Variants in CACNA2D1 observed in about 807,000 individuals in gnomAD.
CACNA2D1 encodes calcium voltage-gated channel auxiliary subunit alpha2delta 1.
In CACNA2D1, 53 loss-of-function variants were observed where a neutral mutation model predicts 171.5. The observed-to-expected ratio is 0.31, with a 90% CI of 0.25 to 0.39. The LOEUF (loss-of-function observed/expected upper bound fraction) is 0.39, where lower values mean the gene tolerates loss of function less well. CACNA2D1 is among the 10% of genes least tolerant of loss of function. CACNA2D1 has a pLI of 1.00. For synonymous variants in CACNA2D1, 442 were observed against 443.1 expected (o/e 1.00, Z 0.03); for missense variants, 903 against 1,299.8 (o/e 0.69, Z 4.69).
chr7:82,341,104 G>C (rs1276196323), intron 2 of CACNA2D1, among the ~76,000 whole-genome samples: 1 of 151,888 alleles, frequency 6.6e-6, no homozygotes, highest in Non-Finnish European at 1.5e-5. Flanking sequence ...TATTCCTTGG[G>C]CTTTCGAACT....
At chr7:82,071,768 G>A (rs1227680626) in intron 7 of CACNA2D1, among the ~76,000 whole-genome samples, 3 of 152,134 alleles carry the variant, frequency 2.0e-5, no homozygotes, top group Non-Finnish European at 4.4e-5. Context: ...ATACTTTTCA[G>A]TTTCTCCTGT....
At chr7:82,017,993 T>G (rs535552363) in intron 12 of CACNA2D1, among the ~76,000 whole-genome samples, 2 of 152,258 alleles carry the variant, frequency 1.3e-5, no homozygotes, top group South Asian at 4.1e-4. Flanking sequence ...CAAATGCACA[T>G]GAAAACTTTT....
rs1375053673 is a variant in CACNA2D1 at position 81,947,936 on chromosome 7, A to AAACTC, written c.*2451_*2455dup. On this transcript the variant is annotated 3_prime_UTR_variant, in exon 39 of 39. Coordinates refer to ENST00000356860, the MANE Select transcript of CACNA2D1 (RefSeq NM_000722.4). The stretch of plus-strand genomic sequence containing the variant: ...TAGCAGAAAATAAAGGTTTATAGCA[A>AAACTC]AACTCATGCATATAAATATATTTTG... 1 of 151,888 alleles carries AAACTC rather than the reference A, an allele frequency of 6.6e-6. No individual in the cohort carries two copies. Among genetic ancestry groups the AAACTC allele is most frequent in the East Asian group, 1.9e-4 (1 of 5,180 alleles). 9.4% of individuals were successfully genotyped at this position (151,888 alleles called of 1,614,324 possible).
At chr7:82,175,729 AT>A (rs1209385041) in intron 3 of CACNA2D1, among the ~76,000 whole-genome samples, 1 of 151,998 alleles carries the variant, frequency 6.6e-6, no homozygotes, top group African/African-American at 2.4e-5. Flanking sequence ...TAACAACAAA[AT>A]TTTGGTAATA....
intron 7 of CACNA2D1, among the ~76,000 whole-genome samples, chr7:82,077,204 A>T (rs1000352318): frequency 6.6e-6 from 1 of 152,146 alleles, no homozygotes; most frequent in African/African-American, 2.4e-5. Flanking sequence ...CATAGCAGAG[A>T]TGCTTTTTGT....
At chr7:82,314,598 C>T (rs1291758474) in intron 3 of CACNA2D1, among the ~76,000 whole-genome samples, 4 of 152,110 alleles carry the variant, frequency 2.6e-5, no homozygotes, top group Non-Finnish European at 4.4e-5. Flanking sequence ...TTCACTCAAA[C>T]GTTTGCATGC....
chr7:82,028,193 C>T (rs1445948878), intron 12 of CACNA2D1: 1 of 151,676 alleles, frequency 6.6e-6, no homozygotes, highest in Non-Finnish European at 1.5e-5. Context: ...TTTACCATTC[C>T]AAAAATCTCA....
chr7:81,972,682 C>T (rs1161734431), intron 25 of CACNA2D1, among the ~76,000 whole-genome samples: 1 of 151,880 alleles, frequency 6.6e-6, no homozygotes, highest in African/African-American at 2.4e-5. Context: ...TCTTCCCATT[C>T]TCCTTGTTCC....
At chr7:81,984,889 A>G (rs1173500790) in intron 21 of CACNA2D1, among the ~76,000 whole-genome samples, 178 bp from the exon 22 acceptor site, 4 of 152,184 alleles carry the variant, frequency 2.6e-5, no homozygotes, top group Non-Finnish European at 4.4e-5. Flanking sequence ...CAGTCTTGCC[A>G]TCCAGAGTCA....
chr7:82,405,217 T>A (rs756314253), intron 1 of CACNA2D1, among the ~76,000 whole-genome samples: 1 of 152,174 alleles, frequency 6.6e-6, no homozygotes, highest in Non-Finnish European at 1.5e-5. Flanking sequence ...CAAGTGAAGA[T>A]GTATGCCTAA....
chr7:82,376,359 C>T lies in CACNA2D1; in HGVS notation c.96-26710G>A, dbSNP rs147175822. Among the ~76,000 whole-genome samples the T allele has an allele frequency of 4.9e-3, 746 of 152,244 alleles. 2 individuals are homozygous for T. The highest frequency in any genetic ancestry group is 0.017 in the African/African-American group (720 of 41,550). ...ACAGCTGGGAACCTGACAATGACAA[C>T]CTAACACTCATGATTTTAGATATTG... On this transcript the variant is annotated intron_variant, in intron 1 of 38. Coordinates refer to ENST00000356860, the MANE Select transcript of CACNA2D1 (RefSeq NM_000722.4).
At chr7:82,436,513 T>C (rs2129459455) in intron 1 of CACNA2D1, among the ~76,000 whole-genome samples, 1 of 152,322 alleles carries the variant, frequency 6.6e-6, no homozygotes, top group African/African-American at 2.4e-5. Context: ...GTCTCTAAGG[T>C]GAATTTCCAA....
chr7:82,162,501 G>A (rs73157510), intron 4 of CACNA2D1, among the ~76,000 whole-genome samples: 3,727 of 152,050 alleles, frequency 0.025, 86 homozygotes, highest in Non-Finnish European at 0.032. Flanking sequence ...GCAGGGGAGA[G>A]CTGGTCATTC....
Position 82,367,186 on chromosome 7 carries a change from AGC to A in CACNA2D1, c.96-17539_96-17538del, listed in dbSNP as rs1343569604. 2.6e-5 allele frequency among the ~76,000 whole-genome samples: 4 copies of A among 152,038 alleles called. No homozygotes were observed. The East Asian group carries it at 7.7e-4, about 29-fold the overall frequency. Reference sequence around the variant, plus strand: ...CAGCCTCCCAAAGGGGTAGGATTACAGCATGAGCCACCATGCCTGGCTGATTT... The same window carrying A: ...CAGCCTCCCAAAGGGGTAGGATTACAATGAGCCACCATGCCTGGCTGATTT... On this transcript the variant is annotated intron_variant, in intron 1 of 38. Coordinates refer to ENST00000356860, the MANE Select transcript of CACNA2D1 (RefSeq NM_000722.4).
At chr7:82,361,615 A>T (rs958445046) in intron 1 of CACNA2D1, among the ~76,000 whole-genome samples, 5 of 152,128 alleles carry the variant, frequency 3.3e-5, no homozygotes, top group South Asian at 2.1e-4. Context: ...TAGGCAATTA[A>T]ATTTTTTAAA....
chr7:82,371,796 G>A (rs1410430816), intron 1 of CACNA2D1, among the ~76,000 whole-genome samples: 1 of 151,934 alleles, frequency 6.6e-6, no homozygotes, highest in Non-Finnish European at 1.5e-5. Flanking sequence ...GGTTGGTCTC[G>A]AACTCCTGAC....
At chr7:82,223,554 C>T (rs1047257330) in intron 3 of CACNA2D1, among the ~76,000 whole-genome samples, 50 of 152,278 alleles carry the variant, frequency 3.3e-4, no homozygotes, top group Admixed American at 5.2e-4. Context: ...CAATGACATT[C>T]GGTAAATCAT....
At chr7:82,156,652 AG>A (rs1563132135) in intron 4 of CACNA2D1, among the ~76,000 whole-genome samples, 5 of 151,558 alleles carry the variant, frequency 3.3e-5, no homozygotes, top group East Asian at 1.9e-4. Context: ...TCTTTTAATA[AG>A]AGAGATCAAT....
intron 4 of CACNA2D1, among the ~76,000 whole-genome samples, chr7:82,139,945 C>CCATTATTATTATTAT (rs1792148136): frequency 7.0e-6 from 1 of 142,952 alleles, no homozygotes; most frequent in South Asian, 2.3e-4. Flanking sequence ...ACACACCTGG[C>CCATTATTATTATTAT]TATTATTATT....
Sources: gnomAD v4.1 joint callset for allele counts (sites outside exome capture counted in the v4.1 genomes callset) on GRCh38, gnomAD v4.1.1 for gene constraint, MANE v1.5 for transcripts, NCBI Gene and HGNC (gene_info 2026-07-23, HGNC 2026-07-21) for gene names.